PHACTR2: variants seen among roughly 807,000 people sequenced by gnomAD.
PHACTR2 encodes the protein phosphatase and actin regulator 2, also known as chromosome 6 open reading frame 56.
Under a neutral mutation model 76.0 loss-of-function variants are expected in PHACTR2, and 30 were observed. The observed-to-expected ratio is 0.39, with a 90% CI of 0.30 to 0.54. The LOEUF (loss-of-function observed/expected upper bound fraction) is 0.54, where lower values mean the gene tolerates loss of function less well. PHACTR2 is among the 20% of genes least tolerant of loss of function. PHACTR2 has a pLI of 0.61. For synonymous variants in PHACTR2, 292 were observed against 292.5 expected (o/e 1.00, Z 0.02); for missense variants, 696 against 781.1 (o/e 0.89, Z 1.30).
chr6:143,565,026 A>G (rs908404490), intron 1 of PHACTR2, among the ~76,000 whole-genome samples: 1 of 152,182 alleles, frequency 6.6e-6, no homozygotes, highest in Admixed American at 6.5e-5. Flanking sequence ...TTCTTCTAGC[A>G]AGAATGGCAG....
intron 1 of PHACTR2, among the ~76,000 whole-genome samples, chr6:143,613,955 G>C (rs1363212139): frequency 6.6e-6 from 1 of 152,198 alleles, no homozygotes; most frequent in African/African-American, 2.4e-5. Context: ...GGGCGTGGTG[G>C]CTCACATCTG....
chr6:143,739,736 G>C lies in PHACTR2; in HGVS notation c.215-9249G>C, dbSNP rs1291030706. Among the ~76,000 whole-genome samples the C allele has an allele frequency of 1.3e-5, 2 of 152,122 alleles. No individual in the cohort carries two copies. Among genetic ancestry groups the C allele is most frequent in the African/African-American group, 4.8e-5 (2 of 41,400 alleles). ...GGGATTGAGGACTTGCTCATTGTTT[G>C]AATCTTGGACCTTTATTCCTTCGGA... On this transcript the variant is annotated intron_variant, in intron 2 of 12. Transcript: ENST00000440869. The surrounding 1 kb of genome is among the most constrained non-coding windows in gnomAD (Gnocchi z 4.3).
rs1775124019 is a variant in PHACTR2, at chr6:143,553,631, G to C, written c.217+16424G>C. Among the ~76,000 whole-genome samples, 1 of 152,192 alleles carries C rather than the reference G, an allele frequency of 6.6e-6. No homozygotes were observed. Among genetic ancestry groups the C allele is most frequent in the African/African-American group, 2.4e-5 (1 of 41,432 alleles). The stretch of plus-strand genomic sequence containing the variant: ...GTCATTCTAGAGATGCAGGCCTTGA[G>C]CTGTTAGAAACTGTATTCATGTTTT... On this transcript the variant is annotated intron_variant, in intron 1 of 11. Transcript: ENST00000367584. The surrounding 1 kb of genome is among the most constrained non-coding windows in gnomAD (Gnocchi z 4.2).
At chr6:143,749,476 AAGAGAAG>A in intron 3 of PHACTR2, among the ~76,000 whole-genome samples, 1 of 152,322 alleles carries the variant, frequency 6.6e-6, no homozygotes, top group African/African-American at 2.4e-5. Flanking sequence ...CTACCAATAA[AAGAGAAG>A]AGAGAAGGCA....
chr6:143,698,698 GTTGT>G lies in PHACTR2; in HGVS notation c.47-13314_47-13311del, dbSNP rs889596442. Among the ~76,000 whole-genome samples the G allele has an allele frequency of 3.3e-5, 5 of 152,216 alleles. No homozygotes were observed. The highest frequency in any genetic ancestry group is 1.2e-4 in the African/African-American group (5 of 41,454). On this transcript the variant is annotated intron_variant, in intron 1 of 12. Coordinates refer to ENST00000440869, the MANE Select transcript of PHACTR2 (RefSeq NM_001100164.2). The surrounding 1 kb of genome is among the most constrained non-coding windows in gnomAD (Gnocchi z 4.3). Reference sequence around the variant, plus strand: ...CTGCAGGTCTACGTTTGGGTGGATGGTTGTTTGACTAATGTCAGCCTCTCTCATG... The same window carrying G: ...CTGCAGGTCTACGTTTGGGTGGATGGTTGACTAATGTCAGCCTCTCTCATG...
In PHACTR2 at chr6:143,772,986, G is replaced by A. The variant is rs533223710; in HGVS notation, c.1432+529G>A. ...GTCTAATTTTGGGAGGCTAACGTGGGTGAATCCCTTGAGGTCAGGAGTTCG... is the reference window on the plus strand; with the variant it reads ...GTCTAATTTTGGGAGGCTAACGTGGATGAATCCCTTGAGGTCAGGAGTTCG... On this transcript the variant is annotated intron_variant, in intron 7 of 12. Transcript: ENST00000440869. The surrounding 1 kb of genome is among the most constrained non-coding windows in gnomAD (Gnocchi z 5.4). 3.9e-5 allele frequency among the ~76,000 whole-genome samples: 6 copies of A among 152,328 alleles called. No individual in the cohort carries two copies. Among genetic ancestry groups the A allele is most frequent in the African/African-American group, 7.2e-5 (3 of 41,572 alleles).
Position 143,585,593 on chromosome 6 carries a change from C to T in PHACTR2, c.217+48386C>T, listed in dbSNP as rs891653395. Among the ~76,000 whole-genome samples, 1 of 152,098 alleles carries T rather than the reference C, an allele frequency of 6.6e-6. No individual in the cohort carries two copies. Among genetic ancestry groups the T allele is most frequent in the Admixed American group, 6.5e-5 (1 of 15,278 alleles). The stretch of plus-strand genomic sequence containing the variant: ...ACATACTGGAGTCTGATGGTGTCAT[C>T]TTGGGAACACTGTGTTCTGAAAAAG... On this transcript the variant is annotated intron_variant, in intron 1 of 11. Transcript: ENST00000367584. This position sits in a 1 kb window ranked among gnomAD's most constrained non-coding sequence, Gnocchi z 5.2.
At position 143,639,304 on chromosome 6, in the gene PHACTR2, A is replaced by G. The variant is rs1242081954; in HGVS notation, c.13+30982A>G. Among the ~76,000 whole-genome samples, 2 of 152,230 alleles carry G rather than the reference A, an allele frequency of 1.3e-5. No individual in the cohort carries two copies. The highest frequency in any genetic ancestry group is 2.9e-5 in the Non-Finnish European group (2 of 68,040). On this transcript the variant is annotated intron_variant, in intron 1 of 11. Coordinates refer to the PHACTR2 transcript ENST00000305766. The surrounding 1 kb of genome is among the most constrained non-coding windows in gnomAD (Gnocchi z 5.0). ...AATGTAATGTTGTAAAACAAATGTA[A>G]CAGAACTTTATATAGTGATTTAATC... is the stretch of plus-strand genomic sequence containing the variant.
chr6:143,565,040 A>C, intron 1 of PHACTR2, among the ~76,000 whole-genome samples: 1 of 152,210 alleles, frequency 6.6e-6, no homozygotes, highest in East Asian at 1.9e-4. Context: ...ATGGCAGTTC[A>C]AGCCAATAGA....
intron 11 of PHACTR2, among the ~76,000 whole-genome samples, chr6:143,796,460 G>A (rs916594673): frequency 5.3e-5 from 8 of 151,010 alleles, no homozygotes; most frequent in Non-Finnish European, 8.8e-5. Flanking sequence ...TGTGCAGAAC[G>A]TGTAGGTTTG....
chr6:143,594,510 A>G (rs1445898432), intron 1 of PHACTR2, among the ~76,000 whole-genome samples: 1 of 152,240 alleles, frequency 6.6e-6, no homozygotes, highest in Admixed American at 6.5e-5. Flanking sequence ...AAGGCTAATT[A>G]TTTGTGTTGA....
At chr6:143,725,422 G>A (rs191365925) in intron 2 of PHACTR2, among the ~76,000 whole-genome samples, 2,447 of 150,096 alleles carry the variant, frequency 0.016, 72 homozygotes, top group African/African-American at 0.057. Flanking sequence ...GGATGGTCTC[G>A]ATCTCCTGAC....
intron 4 of PHACTR2, among the ~76,000 whole-genome samples, chr6:143,759,817 C>A (rs1234200485): frequency 6.6e-6 from 1 of 152,028 alleles, no homozygotes; most frequent in Non-Finnish European, 1.5e-5. Context: ...CGCATTGTTG[C>A]CTCATGTAAA....
At chr6:143,572,364 T>G (rs1418486344) in intron 1 of PHACTR2, among the ~76,000 whole-genome samples, 1 of 152,214 alleles carries the variant, frequency 6.6e-6, no homozygotes, top group Non-Finnish European at 1.5e-5. Flanking sequence ...AACACTGAAG[T>G]GAACCTGAAA....
Position 143,741,104 on chromosome 6 carries a change from C to T in PHACTR2, c.215-7881C>T, listed in dbSNP as rs141852849. Among the ~76,000 whole-genome samples the T allele has an allele frequency of 1.1e-4, 16 of 149,732 alleles. No individual in the cohort carries two copies. The East Asian group carries it at 1.4e-3, about 13-fold the overall frequency. Reference sequence around the variant, plus strand: ...CTCTACTAAAAATGCAAAAATTAGCCGGGCATGGTGGCGCATGCCTGTAAT... The same window carrying T: ...CTCTACTAAAAATGCAAAAATTAGCTGGGCATGGTGGCGCATGCCTGTAAT... On this transcript the variant is annotated intron_variant, in intron 2 of 12. Coordinates refer to ENST00000440869, the MANE Select transcript of PHACTR2 (RefSeq NM_001100164.2).
rs1172535865 is a variant in PHACTR2 at position 143,549,506 on chromosome 6, C to T, written c.217+12299C>T. ...GGCAGCTGACACATTCTCAGAAGGC[C>T]GGCCACAGGCAATGGCAAGATGAGA... is the stretch of plus-strand genomic sequence containing the variant. On this transcript the variant is annotated intron_variant, in intron 1 of 11. Transcript: ENST00000367584. The surrounding 1 kb of genome is among the most constrained non-coding windows in gnomAD (Gnocchi z 4.2). Among the ~76,000 whole-genome samples, 5 of 152,034 alleles carry T rather than the reference C, an allele frequency of 3.3e-5. No individual in the cohort carries two copies. The highest frequency in any genetic ancestry group is 9.6e-5 in the African/African-American group (4 of 41,500).
intron 2 of PHACTR2, among the ~76,000 whole-genome samples, chr6:143,719,477 G>A (rs1778390821): frequency 6.7e-6 from 1 of 149,172 alleles, no homozygotes; most frequent in Non-Finnish European, 1.5e-5. Flanking sequence ...AGCCTCCTGA[G>A]TAGCTGGGAT....
intron 1 of PHACTR2, among the ~76,000 whole-genome samples, chr6:143,576,384 T>C (rs2128432402): frequency 6.6e-6 from 1 of 152,360 alleles, no homozygotes; most frequent in Middle Eastern, 3.4e-3. Flanking sequence ...TGAATTGCAT[T>C]AATTCAAAAA....
At position 143,764,669 on chromosome 6, in the gene PHACTR2, A is replaced by G. The variant is rs1268538596; in HGVS notation, c.695-592A>G. On this transcript the variant is annotated intron_variant, in intron 5 of 12. Transcript: ENST00000440869. This position sits in a 1 kb window ranked among gnomAD's most constrained non-coding sequence, Gnocchi z 4.7. The stretch of plus-strand genomic sequence containing the variant: ...CCCCATCTCTACTGCAGATGGAAGT[A>G]GAGTCCAGCATGGCGAGCTTTCTTC... Among the ~76,000 whole-genome samples the G allele has an allele frequency of 6.6e-6, 1 of 152,094 alleles. No homozygotes were observed. The highest frequency in any genetic ancestry group is 1.5e-5 in the Non-Finnish European group (1 of 68,022).
Sources: gnomAD v4.1 joint callset for allele counts (sites outside exome capture counted in the v4.1 genomes callset) on GRCh38, gnomAD v4.1.1 for gene constraint, Gnocchi (gnomAD v3.1) non-coding constraint, MANE v1.5 for transcripts, NCBI Gene and HGNC (gene_info 2026-07-23, HGNC 2026-07-21) for gene names.